The following CROCC variants were observed in gnomAD, a reference collection of about 807,000 sequenced individuals.
CROCC encodes the protein ciliary rootlet coiled-coil, rootletin.
In CROCC, 180 loss-of-function variants were observed where a neutral mutation model predicts 245.2. The ratio of observed to expected loss-of-function variants is 0.73; its 90% CI spans 0.65 to 0.83. The LOEUF (loss-of-function observed/expected upper bound fraction) is 0.83. CROCC is among the 40% of genes least tolerant of loss of function. The pLI is 0.00. For missense variants in CROCC, 2,688 were observed against 2,779.4 expected, an observed-to-expected ratio of 0.97 and a Z score of 0.74; for synonymous variants, 1,205 against 1,241.6, an observed-to-expected ratio of 0.97 and a Z score of 0.62.
Position 16,922,734 on chromosome 1 carries a change from C to G in CROCC, c.132C>G (p.Ile44Met), listed in dbSNP as rs1200846158. Residue 44 changes from isoleucine to methionine, a missense_variant, in exon 2 of 37, where the codon ATC becomes ATG. Coordinates refer to ENST00000375541, the MANE Select transcript of CROCC (RefSeq NM_014675.5). ...GGGACCTGGCCCAGGACGCTCAGAT[C>G]ACCAGCCTGCCTGCCCTTATCAGGG... ...GARDLAQDAQ[I>M]TSLPALIREI... is the part of the protein sequence containing the mutation. The G allele has an allele frequency of 6.2e-7, 1 of 1,613,940 alleles. No homozygotes were observed. Among genetic ancestry groups the G allele is most frequent in the Admixed American group, 1.7e-5 (1 of 60,022 alleles).
intron 19 of CROCC, among the ~76,000 whole-genome samples, 177 bp from the exon 20 acceptor site, chr1:16,950,776 G>T (rs546226292): frequency 6.6e-6 from 1 of 152,360 alleles, no homozygotes; most frequent in East Asian, 1.9e-4. Flanking sequence ...GGCCCATGTA[G>T]CATATAGGGA....
At chr1:16,962,543 A>C (rs1450612910) in intron 27 of CROCC, among the ~76,000 whole-genome samples, 12 of 140,694 alleles carry the variant, frequency 8.5e-5, no homozygotes, top group Non-Finnish European at 1.4e-4. Context: ...TCAAAAAAAA[A>C]AAAAAAAAAA....
At position 16,921,998 on chromosome 1, in the gene CROCC, C is replaced by A; in HGVS notation, c.-21C>A. ...GGGTCCTGGAGAAGGGGGCTGGAGGCATGCCCACAGCCTCCCCCCCATGAG... is the reference window on the plus strand; with the variant it reads ...GGGTCCTGGAGAAGGGGGCTGGAGGAATGCCCACAGCCTCCCCCCCATGAG... On this transcript the variant is annotated 5_prime_UTR_variant, in exon 1 of 37. Transcript: ENST00000375541. 6.5e-7 allele frequency: 1 copy of A among 1,548,882 alleles called. No homozygotes were observed. Among genetic ancestry groups the A allele is most frequent in the Non-Finnish European group, 8.7e-7 (1 of 1,144,866 alleles).
rs376983297 is a variant in CROCC, at chr1:16,966,500, G to A, written c.4789G>A (p.Ala1597Thr). ...GCGGCGCAGTGAGCGGGAGCGCCGGGCCACGCTGGACCAGGTGGCCACACT... is the reference window on the plus strand; with the variant it reads ...GCGGCGCAGTGAGCGGGAGCGCCGGACCACGCTGGACCAGGTGGCCACACT... ...SVRRSERERR[A>T]TLDQVATLER... is the part of the protein sequence containing the mutation. Residue 1597 changes from alanine (A) to threonine (T), a missense_variant, in exon 30 of 37, where the codon GCC becomes ACC. This residue lies in a region of CROCC where 1,218 missense variants were observed against 1,286.3 expected (regional missense o/e 0.95). Coordinates refer to ENST00000375541, the MANE Select transcript of CROCC (RefSeq NM_014675.5). The surrounding 1 kb of genome is among the most constrained non-coding windows in gnomAD (Gnocchi z 4.8). 3.3e-6 allele frequency: 5 copies of A among 1,531,424 alleles called. No homozygotes were observed. In the African/African-American group the frequency reaches 4.1e-5, roughly 13 times the overall value. 94.9% of individuals were successfully genotyped at this position (1,531,424 alleles called of 1,614,324 possible). A position where few individuals can be genotyped will look rare whatever the true frequency, so the allele number is the denominator to read the frequency against.
chr1:16,961,508 G>T (rs1042826216), intron 27 of CROCC, among the ~76,000 whole-genome samples: 3 of 152,094 alleles, frequency 2.0e-5, no homozygotes, highest in Non-Finnish European at 4.4e-5. Context: ...CTGGCCTCAA[G>T]CGATCCTCCT....
intron 3 of CROCC, among the ~76,000 whole-genome samples, chr1:16,927,602 G>C (rs1312213381): frequency 2.0e-5 from 3 of 152,274 alleles, no homozygotes; most frequent in Non-Finnish European, 4.4e-5. Flanking sequence ...AACAGTCGAC[G>C]TGAACTCAGC....
intron 33 of CROCC, 31 bp from the exon 34 acceptor site, chr1:16,970,222 G>A (rs748302264): frequency 1.3e-6 from 2 of 1,518,180 alleles, no homozygotes; most frequent in East Asian, 2.5e-5. Flanking sequence ...AGGCCCAGAG[G>A]GATTCGGGGC....
At position 16,930,644 on chromosome 1, in the gene CROCC, C is replaced by G. The variant is rs1438594740; in HGVS notation, c.849+50C>G. On this transcript the variant is annotated intron_variant, in intron 7 of 36. Transcript: ENST00000375541. ...CAGCCTGACCCAAGAGGAAGGGGCA[C>G]TGCAGAGGAGGGAGGACTCAGAAGC... 1.9e-6 allele frequency: 3 copies of G among 1,564,816 alleles called. No homozygotes were observed. In the South Asian group the frequency reaches 3.5e-5, roughly 18 times the overall value.
intron 35 of CROCC, chr1:16,971,091 G>A (rs1027509471): frequency 4.5e-6 from 2 of 448,996 alleles, no homozygotes; most frequent in African/African-American, 2.0e-5. Flanking sequence ...ATGAATATGT[G>A]TTTGTGTACA....
intron 1 of CROCC, 50 bp from the exon 2 acceptor site, chr1:16,922,613 G>T: frequency 6.5e-7 from 1 of 1,546,574 alleles, no homozygotes; most frequent in South Asian, 1.2e-5. Flanking sequence ...CACGAGGCCA[G>T]GGAGCCCCGG....
At chr1:16,930,088 A>G (rs771296501) in intron 4 of CROCC, 36 bp from the exon 5 acceptor site, 1 of 1,576,402 alleles carries the variant, frequency 6.3e-7, no homozygotes, top group Admixed American at 1.8e-5. Flanking sequence ...GCCCCGCCCC[A>G]ACCCCTGGGG....
At chr1:16,924,533 G>A (rs1570586098) in intron 3 of CROCC, 54 bp downstream of exon 3, 5 of 1,589,884 alleles carry the variant, frequency 3.1e-6, no homozygotes, top group African/African-American at 2.7e-5. Flanking sequence ...TTCAAGGGCA[G>A]GGAGGCATCT....
chr1:16,971,235 G>C (rs953604432), intron 35 of CROCC, among the ~76,000 whole-genome samples: 39 of 151,744 alleles, frequency 2.6e-4, no homozygotes, highest in Non-Finnish European at 4.7e-4. Context: ...GTGTGTGTGT[G>C]TGTGTGTGTG....
chr1:16,959,511 T>A (rs1380242878), intron 26 of CROCC, among the ~76,000 whole-genome samples: 2 of 152,160 alleles, frequency 1.3e-5, no homozygotes, highest in Admixed American at 1.3e-4. Context: ...CTCAGAGCGC[T>A]CATGAGAGAT....
rs41272737 is a variant in CROCC at position 16,954,740 on chromosome 1, G to A, written c.3328G>A (p.Val1110Met). The change falls in exon 23 of 37, where the codon GTG (valine) becomes ATG (methionine). Residue 1110 changes from valine (V) to methionine (M), a missense_variant. Physicochemically the swap from Val to Met is conservative, Grantham distance 21. This residue lies in a region of CROCC where 32 missense variants were observed against 54.1 expected (regional missense o/e 0.59). Coordinates refer to ENST00000375541, the MANE Select transcript of CROCC (RefSeq NM_014675.5). This position sits in a 1 kb window ranked among gnomAD's most constrained non-coding sequence, Gnocchi z 4.4. ...AGGAGCCCCTCTGTCCCAGAGCACC[G>A]TGAACGCTCTGACGTCTGAGCTGCG... ...QSRQEQDRST[V>M]NALTSELRDL... The A allele has an allele frequency of 0.051, 79,965 of 1,554,666 alleles. 2,404 individuals carry two copies. Among genetic ancestry groups the A allele is most frequent in the African/African-American group, 0.09 (6,592 of 73,388 alleles).
chr1:16,953,381 C>T lies in CROCC; in HGVS notation c.3086C>T (p.Ala1029Val), dbSNP rs1411293679. ...QLQREQEELL[A>V]RLEAEKEELS... ...CAGCGTGAGCAGGAGGAGCTGCTGG[C>T]CCGGCTGGAGGCTGAGAAGGAAGAG... Residue 1029 changes from alanine to valine, a missense_variant, in exon 21 of 37, where the codon GCC becomes GTC. Physicochemically the swap from Ala to Val is moderately conservative, Grantham distance 64 (BLOSUM62 0). Around this residue, in one of 9 missense-constraint regions of CROCC, gnomAD observed 106 missense variants for 126.1 expected, o/e 0.84. Transcript: ENST00000375541. The T allele has an allele frequency of 6.2e-7, 1 of 1,610,270 alleles. No individual in the cohort carries two copies. Among genetic ancestry groups the T allele is most frequent in the Non-Finnish European group, 8.5e-7 (1 of 1,179,658 alleles).
In CROCC at chr1:16,946,979, G is replaced by A; in HGVS notation, c.2502G>A (p.Glu834=). The change falls in exon 17 of 37, where the codon GAG becomes GAA. Residue 834 remains glutamate (E), a synonymous_variant. Transcript: ENST00000375541. ...TLRHERSQLQ[E]QLAQLSRQLS... is the part of the protein sequence containing the mutation. ...GCCATGAGCGCAGCCAGCTGCAGGAGCAGCTAGCGCAGGTGGGCAAAGCTG... is the reference window on the plus strand; with the variant it reads ...GCCATGAGCGCAGCCAGCTGCAGGAACAGCTAGCGCAGGTGGGCAAAGCTG... The A allele has an allele frequency of 6.4e-7, 1 of 1,552,054 alleles. No homozygotes were observed. The highest frequency in any genetic ancestry group is 8.7e-7 in the Non-Finnish European group (1 of 1,148,580).
intron 1 of CROCC, among the ~76,000 whole-genome samples, chr1:16,916,186 A>AAAAAAAAAAAAAAAAAAAAAC (rs1451391327): frequency 6.6e-6 from 1 of 150,438 alleles, no homozygotes; most frequent in African/African-American, 2.5e-5. Flanking sequence ...TCTGCCTCAA[A>AAAAAAAAAAAAAAAAAAAAAC]AAAAAAGGCC....
At chr1:16,916,097 AC>A (rs1483599468) in intron 1 of CROCC, among the ~76,000 whole-genome samples, 1 of 152,080 alleles carries the variant, frequency 6.6e-6, no homozygotes, top group Non-Finnish European at 1.5e-5. Context: ...AATTGCTTGA[AC>A]CCAGGAGGTG....
Sources: allele counts gnomAD v4.1 joint callset (sites outside exome capture counted in the v4.1 genomes callset), GRCh38; gene constraint gnomAD v4.1.1; regional missense constraint gnomAD v4.1.1; non-coding constraint Gnocchi (gnomAD v3.1); transcripts MANE v1.5; gene names NCBI Gene and HGNC (gene_info 2026-07-23, HGNC 2026-07-21).